SEZ6L: variants seen among roughly 807,000 people sequenced by gnomAD.
SEZ6L encodes seizure 6-like protein.
Under a neutral mutation model 106.2 loss-of-function variants are expected in SEZ6L, and 37 were observed. That is an observed-to-expected ratio of 0.35 (90% CI 0.27 to 0.46). The LOEUF (loss-of-function observed/expected upper bound fraction) is 0.46, where lower values mean the gene tolerates loss of function less well. Ranked by LOEUF, SEZ6L falls within the 20% of genes least tolerant of loss-of-function variation. The probability of loss-of-function intolerance (pLI) is 1.00; values close to 1 mark genes in which losing one functional copy is unlikely to be tolerated. For missense variants in SEZ6L, 1,172 were observed against 1,332.8 expected (o/e 0.88, Z 1.88); for synonymous variants, 541 against 570.4 (o/e 0.95, Z 0.73).
intron 1 of SEZ6L, among the ~76,000 whole-genome samples, chr22:26,177,136 T>C (rs1939062893): frequency 6.6e-6 from 1 of 152,196 alleles, no homozygotes; most frequent in Non-Finnish European, 1.5e-5. Flanking sequence ...CATCTGAATT[T>C]AATTCCTGAC....
intron 1 of SEZ6L, among the ~76,000 whole-genome samples, chr22:26,171,568 T>A (rs1297170131): frequency 6.6e-6 from 1 of 152,240 alleles, no homozygotes; most frequent in Non-Finnish European, 1.5e-5. Context: ...GATTTCCTAT[T>A]CTGTTTCCTT....
At chr22:26,333,630 A>C (rs531904534) in intron 9 of SEZ6L, among the ~76,000 whole-genome samples, 2 of 152,152 alleles carry the variant, frequency 1.3e-5, no homozygotes. Flanking sequence ...CACACTCAGC[A>C]TGGTGCTGAG....
At chr22:26,213,201 T>G (rs2078209358) in intron 1 of SEZ6L, among the ~76,000 whole-genome samples, 1 of 152,196 alleles carries the variant, frequency 6.6e-6, no homozygotes, top group Admixed American at 6.5e-5. Context: ...TAAAGCAAAA[T>G]ACCTGCTTCA....
At chr22:26,261,194 T>C (rs1255853451) in intron 1 of SEZ6L, among the ~76,000 whole-genome samples, 2 of 152,260 alleles carry the variant, frequency 1.3e-5, no homozygotes, top group African/African-American at 2.4e-5. Flanking sequence ...GTCTGTTTAC[T>C]CTGCTGACTG....
Position 26,332,147 on chromosome 22 carries a change from G to GTT in SEZ6L, c.2016-8270_2016-8269dup, listed in dbSNP as rs752520660. On this transcript the variant is annotated intron_variant, in intron 9 of 16. Coordinates refer to ENST00000248933, the MANE Select transcript of SEZ6L (RefSeq NM_021115.5). ...ACAGCTGGAAGAGAGGATTTTCAAT[G>GTT]TTTTTTTTTTTTTTTTTTTTGAGAC... Among the ~76,000 whole-genome samples, 826 of 114,078 alleles carry GTT rather than the reference G, an allele frequency of 7.2e-3. 42 individuals carry two copies. The highest frequency in any genetic ancestry group is 0.026 in the African/African-American group (780 of 29,482). The allele number at this position is 114,078 out of a possible 152,430, so 74.8% of individuals were successfully genotyped here.
At chr22:26,281,697 C>T (rs770827090) in intron 1 of SEZ6L, among the ~76,000 whole-genome samples, 1 of 152,086 alleles carries the variant, frequency 6.6e-6, no homozygotes, top group African/African-American at 2.4e-5. Flanking sequence ...TTAGAAATTA[C>T]CCAGTTCCGA....
chr22:26,179,231 A>G (rs1208791720), intron 1 of SEZ6L, among the ~76,000 whole-genome samples: 2 of 152,146 alleles, frequency 1.3e-5, no homozygotes, highest in African/African-American at 4.8e-5. Context: ...TGTACAAAAA[A>G]TTCTAAAAAT....
chr22:26,347,828 C>A lies in SEZ6L; in HGVS notation c.2322C>A (p.Asp774Glu). 1 of 1,606,562 alleles carries A rather than the reference C, an allele frequency of 6.2e-7. No homozygotes were observed. The highest frequency in any genetic ancestry group is 8.5e-7 in the Non-Finnish European group (1 of 1,177,556). The change falls in exon 11 of 17, where the codon GAC (aspartate) becomes GAA (glutamate). Residue 774 changes from aspartate (D) to glutamate (E), a missense_variant. Transcript: ENST00000248933. ...GAGCCAGAATCACCTACCAGTGTGA[C>A]CCCGGCTATGACATCGTGGGGAGTG... ...VRGARITYQC[D>E]PGYDIVGSDT...
chr22:26,377,662 C>G lies in SEZ6L; in HGVS notation c.2943-11C>G, dbSNP rs1301910632. ...GGGAGAAGTAACTTCTCTCTCCTTTCTTTCCCCCAGATGTCGCTACTATTC... is the reference window on the plus strand; with the variant it reads ...GGGAGAAGTAACTTCTCTCTCCTTTGTTTCCCCCAGATGTCGCTACTATTC... On this transcript the variant is annotated splice_polypyrimidine_tract_variant and intron_variant, in intron 15 of 16. Coordinates refer to ENST00000248933, the MANE Select transcript of SEZ6L (RefSeq NM_021115.5). The G allele has an allele frequency of 6.2e-7, 1 of 1,601,530 alleles. No individual in the cohort carries two copies. The highest frequency in any genetic ancestry group is 1.7e-5 in the Admixed American group (1 of 59,970).
chr22:26,240,086 ACACACT>A (rs1361093034), intron 1 of SEZ6L, among the ~76,000 whole-genome samples: 1,842 of 122,316 alleles, frequency 0.015, 30 homozygotes, highest in East Asian at 0.075. Flanking sequence ...ACACACACAC[ACACACT>A]CACACACACA....
intron 16 of SEZ6L, among the ~76,000 whole-genome samples, chr22:26,379,094 C>T (rs1416666511): frequency 6.6e-6 from 1 of 152,232 alleles, no homozygotes; most frequent in East Asian, 1.9e-4. Context: ...CACTTCCAAA[C>T]TCACATGGTT....
chr22:26,347,720 G>C lies in SEZ6L; in HGVS notation c.2214G>C (p.Glu738Asp). 2 of 1,599,600 alleles carry C rather than the reference G, an allele frequency of 1.3e-6. No homozygotes were observed. Among genetic ancestry groups the C allele is most frequent in the Non-Finnish European group, 1.7e-6 (2 of 1,175,280 alleles). Residue 738 changes from glutamate (E) to aspartate (D), a missense_variant and splice_region_variant, in exon 11 of 17, where the codon GAG becomes GAC. Physicochemically the swap from Glu to Asp is conservative, Grantham distance 45. This residue lies in a region of SEZ6L where 534 missense variants were observed against 691.0 expected (regional missense o/e 0.77). Coordinates refer to ENST00000248933, the MANE Select transcript of SEZ6L (RefSeq NM_021115.5). ...KGQGFIMNYI[E>D]VSRNDSCSDL... The stretch of plus-strand genomic sequence containing the variant: ...AAGACTGACGTTTCTCTTTTAAAGA[G>C]GTATCAAGGAATGACTCCTGCTCGG...
chr22:26,237,776 G>T (rs976250432), intron 1 of SEZ6L, among the ~76,000 whole-genome samples: 3 of 152,122 alleles, frequency 2.0e-5, no homozygotes, highest in Non-Finnish European at 4.4e-5. Flanking sequence ...CTGCTCCTAG[G>T]CCTCCAAGCC....
At chr22:26,346,919 C>T (rs1476224144) in intron 10 of SEZ6L, among the ~76,000 whole-genome samples, 1 of 152,094 alleles carries the variant, frequency 6.6e-6, no homozygotes, top group Non-Finnish European at 1.5e-5. Context: ...TTCTGCTGGG[C>T]ACAGTGGCTC....
At chr22:26,190,963 A>G (rs1278806373) in intron 1 of SEZ6L, among the ~76,000 whole-genome samples, 2 of 152,222 alleles carry the variant, frequency 1.3e-5, no homozygotes, top group African/African-American at 4.8e-5. Context: ...TCCAGACCCA[A>G]CACTGCCATT....
At chr22:26,256,774 G>C (rs1488221936) in intron 1 of SEZ6L, among the ~76,000 whole-genome samples, 1 of 152,232 alleles carries the variant, frequency 6.6e-6, no homozygotes, top group South Asian at 2.1e-4. Flanking sequence ...GAAACTCTGG[G>C]GGTAGGGCCT....
intron 9 of SEZ6L, among the ~76,000 whole-genome samples, chr22:26,328,356 T>C (rs1429932726): frequency 1.3e-5 from 2 of 152,162 alleles, no homozygotes; most frequent in East Asian, 3.8e-4. Context: ...TTCCTGGCAT[T>C]AATTGTTATT....
intron 5 of SEZ6L, among the ~76,000 whole-genome samples, chr22:26,299,859 G>A (rs936080445): frequency 6.6e-6 from 1 of 152,172 alleles, no homozygotes; most frequent in African/African-American, 2.4e-5. Context: ...GAATTGCTGG[G>A]TCATAGGGTC....
At chr22:26,288,247 A>G (rs1489036917) in intron 1 of SEZ6L, among the ~76,000 whole-genome samples, 2 of 152,226 alleles carry the variant, frequency 1.3e-5, no homozygotes, top group Non-Finnish European at 2.9e-5. Flanking sequence ...CAGATGAGGA[A>G]CACATAGTAA....
Sources: gnomAD v4.1 joint callset for allele counts (sites outside exome capture counted in the v4.1 genomes callset) on GRCh38, gnomAD v4.1.1 for gene constraint, gnomAD v4.1.1 regional missense constraint, MANE v1.5 for transcripts, NCBI Gene and HGNC (gene_info 2026-07-23, HGNC 2026-07-21) for gene names.